Variants in UTS2B observed in about 807,000 individuals in gnomAD.
UTS2B encodes urotensin-2B.
In UTS2B, 21 loss-of-function variants were observed where a neutral mutation model predicts 19.2. The observed-to-expected ratio is 1.09, with a 90% CI of 0.78 to 1.58. The LOEUF is 1.58. Among genes scored for constraint, UTS2B ranks in the 40% most tolerant of loss-of-function variants. UTS2B has a pLI of 0.00. For synonymous variants in UTS2B, 57 were observed against 50.2 expected (o/e 1.14, Z -0.58); for missense variants, 138 against 130.3 (o/e 1.06, Z -0.29).
At chr3:191,326,884 G>A (rs995404332) in intron 2 of UTS2B, among the ~76,000 whole-genome samples, 1 of 152,226 alleles carries the variant, frequency 6.6e-6, no homozygotes, top group African/African-American at 2.4e-5. Flanking sequence ...GCCCAACTAT[G>A]GGGTGGATTT....
chr3:191,290,805 T>C (rs1716692571), intron 4 of UTS2B, among the ~76,000 whole-genome samples: 1 of 152,252 alleles, frequency 6.6e-6, no homozygotes. Context: ...ATCTGACTAT[T>C]TCTCACGATG....
intron 8 of UTS2B, among the ~76,000 whole-genome samples, chr3:191,272,201 C>T (rs1716111374): frequency 6.6e-6 from 1 of 152,188 alleles, no homozygotes; most frequent in South Asian, 2.1e-4. Context: ...TATCAGCTTG[C>T]TAAGCATATC....
chr3:191,297,273 T>C (rs1576924165), intron 4 of UTS2B, among the ~76,000 whole-genome samples: 1 of 152,154 alleles, frequency 6.6e-6, no homozygotes, highest in East Asian at 1.9e-4. Flanking sequence ...TCTCATCTGC[T>C]CTTCTCTCAC....
intron 1 of UTS2B, chr3:191,329,789 AG>A: frequency 6.5e-7 from 1 of 1,545,324 alleles, no homozygotes; most frequent in Non-Finnish European, 8.8e-7. Context: ...CTCTCAGGTC[AG>A]GGGCGTTGCC....
chr3:191,313,071 T>C (rs7648137), intron 3 of UTS2B, among the ~76,000 whole-genome samples: 44,718 of 150,712 alleles, frequency 0.3, 7,041 homozygotes, highest in African/African-American at 0.4. Context: ...AGCGCAGTGG[T>C]GTGATCTCGG....
chr3:191,325,177 A>G (rs1207301596), intron 2 of UTS2B, among the ~76,000 whole-genome samples: 3 of 152,220 alleles, frequency 2.0e-5, no homozygotes, highest in Non-Finnish European at 4.4e-5. Context: ...GAGTGAGAAA[A>G]AAAGGTCTCA....
At chr3:191,317,037 A>G (rs1224986090) in intron 2 of UTS2B, among the ~76,000 whole-genome samples, 1 of 152,220 alleles carries the variant, frequency 6.6e-6, no homozygotes, top group Non-Finnish European at 1.5e-5. Context: ...TGGGCGGTCA[A>G]TGGGACGTGG....
At chr3:191,311,994 GA>G (rs36028894) in intron 3 of UTS2B, among the ~76,000 whole-genome samples, 1 of 150,980 alleles carries the variant, frequency 6.6e-6, no homozygotes, top group African/African-American at 2.4e-5. Flanking sequence ...CAAAAAAAAA[GA>G]AAAAAAATTA....
intron 6 of UTS2B, 36 bp from the exon 7 acceptor site, chr3:191,276,880 T>C (rs759443275): frequency 1.4e-5 from 23 of 1,592,744 alleles, no homozygotes; most frequent in East Asian, 4.5e-5. Context: ...AAAACGTACA[T>C]TGCAAGTAAT....
intron 5 of UTS2B, 63 bp downstream of exon 5, chr3:191,282,024 G>C (rs1716400315): frequency 8.4e-7 from 1 of 1,197,216 alleles, no homozygotes; most frequent in Non-Finnish European, 1.2e-6. Context: ...AATCAAATTT[G>C]TTCAAATAGA....
intron 8 of UTS2B, among the ~76,000 whole-genome samples, chr3:191,272,425 A>G (rs1029175486): frequency 1.3e-5 from 2 of 152,236 alleles, no homozygotes; most frequent in Non-Finnish European, 2.9e-5. Context: ...CTCCTAGAAG[A>G]AAGGCTGGAA....
intron 3 of UTS2B, among the ~76,000 whole-genome samples, chr3:191,312,929 G>A (rs779725746): frequency 1.3e-5 from 2 of 152,102 alleles, no homozygotes; most frequent in African/African-American, 2.4e-5. Flanking sequence ...ATGAATACAA[G>A]GTGATATTTT....
At chr3:191,304,235 G>GGCACT (rs1717077501) in intron 4 of UTS2B, among the ~76,000 whole-genome samples, 1 of 152,204 alleles carries the variant, frequency 6.6e-6, no homozygotes, top group Non-Finnish European at 1.5e-5. Context: ...TGGGATTACA[G>GGCACT]GCGTGAGGCA....
intron 2 of UTS2B, among the ~76,000 whole-genome samples, chr3:191,325,605 G>A (rs1479379971): frequency 3.3e-5 from 5 of 152,330 alleles, no homozygotes; most frequent in African/African-American, 4.8e-5. Context: ...TGAGAGTCCA[G>A]ACAAAAATGC....
At chr3:191,271,128 C>T (rs757506415) in intron 8 of UTS2B, among the ~76,000 whole-genome samples, 4 of 137,304 alleles carry the variant, frequency 2.9e-5, no homozygotes, top group Non-Finnish European at 6.0e-5. Context: ...CGCTTGAACA[C>T]GGGAGGCAGA....
rs142173068 is a variant in UTS2B at position 191,284,800 on chromosome 3, T to C, written c.-124-2487A>G. ...ATTTCCAAAATATTTTTCTGCCATA[T>C]TTTAGGTAATATTGGCAAAGTGATG... On this transcript the variant is annotated intron_variant, in intron 4 of 8. Transcript: ENST00000340524. Among the ~76,000 whole-genome samples, 88 of 152,122 alleles carry C rather than the reference T, an allele frequency of 5.8e-4. 1 individual carries two copies. In the East Asian group the frequency reaches 0.017, roughly 29 times the overall value.
rs549758850 is a variant in UTS2B at position 191,299,672 on chromosome 3, G to T, written c.-125+4820C>A. Among the ~76,000 whole-genome samples the T allele has an allele frequency of 2.6e-5, 4 of 152,342 alleles. No homozygotes were observed. The East Asian group carries it at 7.7e-4, about 29-fold the overall frequency. On this transcript the variant is annotated intron_variant, in intron 4 of 8. Coordinates refer to ENST00000340524, the MANE Select transcript of UTS2B (RefSeq NM_198152.5). ...TAAAGCAGTGCAGAGGGGAAGTGTGGGGGTGGAACCCCCACACAGAGTCCC... is the reference window on the plus strand; with the variant it reads ...TAAAGCAGTGCAGAGGGGAAGTGTGTGGGTGGAACCCCCACACAGAGTCCC...
At chr3:191,301,972 G>C (rs1460402543) in intron 4 of UTS2B, among the ~76,000 whole-genome samples, 1 of 152,164 alleles carries the variant, frequency 6.6e-6, no homozygotes, top group African/African-American at 2.4e-5. Context: ...ATCTTGAATA[G>C]GGGCTGGGTA....
intron 3 of UTS2B, among the ~76,000 whole-genome samples, chr3:191,309,795 G>A (rs190276029): frequency 1.2e-3 from 184 of 152,118 alleles, no homozygotes; most frequent in African/African-American, 4.3e-3. Flanking sequence ...GAAATGCCTC[G>A]CTTCCTTTTG....
Sources: allele counts gnomAD v4.1 joint callset (sites outside exome capture counted in the v4.1 genomes callset), GRCh38; gene constraint gnomAD v4.1.1; transcripts MANE v1.5; gene names NCBI Gene and HGNC (gene_info 2026-07-23, HGNC 2026-07-21).